Variants in WDR45 observed in about 807,000 individuals in gnomAD.
WDR45 encodes the protein WD repeat domain phosphoinositide-interacting protein 4.
In WDR45, 2 loss-of-function variants were observed where a neutral mutation model predicts 27.3. The observed-to-expected ratio is 0.07, with a 90% CI of 0.03 to 0.23. The LOEUF is 0.23. Among genes scored for constraint, WDR45 ranks in the 10% least tolerant of loss-of-function variants. WDR45 has a pLI of 1.00. For missense variants in WDR45, 175 were observed against 311.9 expected (o/e 0.56, Z 3.31); for synonymous variants, 99 against 119.2 (o/e 0.83, Z 1.11).
chrX:49,085,122 A>G lies in WDR45; in HGVS notation c.-17-7010T>C, dbSNP rs2065082243. Among the ~76,000 whole-genome samples, 4 of 111,873 alleles carry G rather than the reference A, an allele frequency of 3.6e-5. No individual in the cohort carries two copies. In the Admixed American group the frequency reaches 3.8e-4, roughly 11 times the overall value. On this transcript the variant is annotated intron_variant, in intron 2 of 11. Coordinates refer to the WDR45 transcript ENST00000356463. ...CTAAGTTGAGGTGGTCCAGAGAGAC[A>G]AGGGCAGCTGGAGTTAAAAGGACAG...
rs55719739 is a variant in WDR45, at chrX:49,077,446, A to C, written c.235+197T>G. 0.025 allele frequency: 11,624 copies of C among 472,831 alleles called. 998 individuals are homozygous for C. The African/African-American group carries it at 0.25, about 10-fold the overall frequency. The allele number at this position is 472,831 out of a possible 1,213,427, so 39.0% of individuals were successfully genotyped here. ...CTCTAGGGCATGGCACACAGGAGGC[A>C]CTCAATCAGAATTTTTAAAATGAAA... is the stretch of plus-strand genomic sequence containing the variant. On this transcript the variant is annotated intron_variant, in intron 4 of 10. Coordinates refer to ENST00000376372, the MANE Select transcript of WDR45 (RefSeq NM_001029896.2).
At position 49,075,891 on chromosome X, in the gene WDR45, T is replaced by G; in HGVS notation, c.491A>C (p.His164Pro). Reference protein sequence around the residue: ...LEKQLLVFPGHKCGSLQLVDL... With the variant: ...LEKQLLVFPGPKCGSLQLVDL... ...CACAAGTTGCAGACTCCCACACTTG[T>G]GTCCCGGGAACACTAGCAGTTGCTT... Residue 164 changes from histidine (H) to proline (P), a missense_variant, in exon 7 of 11, where the codon CAC becomes CCC. By Grantham distance (77) the His-to-Pro change is moderately conservative. Transcript: ENST00000376372. 8.3e-7 allele frequency: 1 copy of G among 1,210,278 alleles called. No homozygotes were observed. Among genetic ancestry groups the G allele is most frequent in the Non-Finnish European group, 1.1e-6 (1 of 895,069 alleles).
At chrX:49,085,903 A>C (rs2065084728) in intron 2 of WDR45, among the ~76,000 whole-genome samples, 1 of 112,368 alleles carries the variant, frequency 8.9e-6, no homozygotes, top group Non-Finnish European at 1.9e-5. Flanking sequence ...ATGACCTAGT[A>C]ATCTGTGGAA....
intron 2 of WDR45, among the ~76,000 whole-genome samples, chrX:49,090,596 G>A (rs2065101007): frequency 9.0e-6 from 1 of 110,990 alleles, no homozygotes; most frequent in African/African-American, 3.3e-5. Flanking sequence ...CTGGAGCAAT[G>A]GCACGATCTC....
chrX:49,091,760 A>G, intron 2 of WDR45, among the ~76,000 whole-genome samples: 1 of 98,254 alleles, frequency 1.0e-5, no homozygotes, highest in East Asian at 3.2e-4. Context: ...CGTCTCAAAA[A>G]AAAAAAAAAA....
chrX:49,080,293 G>A (rs1245668894), upstream of WDR45: 1 of 112,119 alleles, frequency 8.9e-6, no homozygotes, highest in Admixed American at 9.4e-5. Flanking sequence ...CAGAGGGGCG[G>A]CGCTGGGGGT....
Position 49,075,920 on chromosome X carries a change from C to T in WDR45, c.462G>A (p.Leu154=). The part of the protein sequence containing the change: ...PKGLCDLCPS[L]EKQLLVFPGH... ...CCGGGAACACTAGCAGTTGCTTCTC[C>T]AGGCTGGGGCAGAGGTCACAGAGCC... The change falls in exon 7 of 11, where the codon CTG becomes CTA. Residue 154 remains leucine (L), a synonymous_variant. Coordinates refer to ENST00000376372, the MANE Select transcript of WDR45 (RefSeq NM_001029896.2). The T allele has an allele frequency of 8.3e-7, 1 of 1,210,149 alleles. No individual in the cohort carries two copies. Among genetic ancestry groups the T allele is most frequent in the Non-Finnish European group, 1.1e-6 (1 of 894,911 alleles).
In WDR45 at chrX:49,099,796, A is replaced by AC. The variant is rs1351040365; in HGVS notation, c.-18+408_-18+409insG. On this transcript the variant is annotated intron_variant, in intron 2 of 11. Coordinates refer to the WDR45 transcript ENST00000356463. ...ACTATGTCTCAAAAAAAAAAAAACA[A>AC]AAAAAAACAAAAAAAAACACACAGT... 1.0e-4 allele frequency among the ~76,000 whole-genome samples: 10 copies of AC among 95,809 alleles called. 2 individuals are homozygous for AC. Among genetic ancestry groups the AC allele is most frequent in the African/African-American group, 4.0e-4 (9 of 22,591 alleles). 83.2% of individuals were successfully genotyped at this position (95,809 alleles called of 115,157 possible). A position where few individuals can be genotyped will look rare whatever the true frequency, so the allele number is the denominator to read the frequency against.
intron 2 of WDR45, among the ~76,000 whole-genome samples, chrX:49,091,520 C>T (rs1168090012): frequency 5.8e-5 from 6 of 103,777 alleles, no homozygotes; most frequent in African/African-American, 2.1e-4. Flanking sequence ...GAGGCCGAGG[C>T]GGGTGGATCA....
At chrX:49,080,191 G>A (rs1310379501), upstream of WDR45, 1 of 112,464 alleles carries the variant, frequency 8.9e-6, no homozygotes. Context: ...CCCACAATGG[G>A]GGAGTAAACC....
intron 2 of WDR45, among the ~76,000 whole-genome samples, chrX:49,085,026 A>G (rs2065082094): frequency 8.9e-6 from 1 of 112,259 alleles, no homozygotes. Context: ...CAACTGTCCC[A>G]GCACACTGCC....
rs1822761509 is a variant in WDR45, at chrX:49,079,760, G to C, written c.-27C>G. On this transcript the variant is annotated 5_prime_UTR_variant, in exon 1 of 11. Transcript: ENST00000376372. ...CCCAGACCCAACCAACCCTGGGATC[G>C]TGCTCCAGCTTCCTGCCGCCTTCAC... 1 of 112,747 alleles carries C rather than the reference G, an allele frequency of 8.9e-6. No individual in the cohort carries two copies. The highest frequency in any genetic ancestry group is 1.9e-5 in the Non-Finnish European group (1 of 53,352). 9.3% of individuals were successfully genotyped at this position (112,747 alleles called of 1,213,427 possible).
rs782437413 is a variant in WDR45 at position 49,078,090 on chromosome X, A to G, written c.6T>C (p.Thr2=). The part of the protein sequence containing the change: M[T]QQPLRGVTSL... ...TGGTCACTCCTCGAAGTGGCTGTTG[A>G]GTCATGGTGCAGGATTGTTCCTCTG... is the stretch of plus-strand genomic sequence containing the variant. The change falls in exon 2 of 11, where the codon ACT becomes ACC. Residue 2 remains threonine, a synonymous_variant. Transcript: ENST00000376372. 8.3e-7 allele frequency: 1 copy of G among 1,211,645 alleles called. No individual in the cohort carries two copies. Among genetic ancestry groups the G allele is most frequent in the Non-Finnish European group, 1.1e-6 (1 of 895,330 alleles).
chrX:49,093,426 C>A (rs191774774), intron 2 of WDR45, among the ~76,000 whole-genome samples: 1 of 110,824 alleles, frequency 9.0e-6, no homozygotes, highest in East Asian at 2.8e-4. Flanking sequence ...CCGCTGAGCC[C>A]GGCCAGCCCA....
intron 2 of WDR45, among the ~76,000 whole-genome samples, chrX:49,097,669 T>A (rs1200710424): frequency 2.8e-5 from 3 of 106,219 alleles, no homozygotes; most frequent in Non-Finnish European, 5.8e-5. Context: ...ATTATTTTTT[T>A]TTTTGAGATG....
intron 2 of WDR45, among the ~76,000 whole-genome samples, chrX:49,088,276 G>A (rs781891984): frequency 3.6e-5 from 4 of 111,426 alleles, no homozygotes; most frequent in African/African-American, 9.8e-5. Flanking sequence ...GCGTGGTGGC[G>A]TGTGCCTGTA....
intron 2 of WDR45, among the ~76,000 whole-genome samples, chrX:49,092,571 C>T (rs2065111300): frequency 9.0e-6 from 1 of 111,564 alleles, no homozygotes; most frequent in Admixed American, 9.7e-5. Flanking sequence ...GTTTGTTAGA[C>T]TCTGCACACC....
chrX:49,083,247 C>T (rs1458477426), upstream of WDR45, among the ~76,000 whole-genome samples: 2 of 106,303 alleles, frequency 1.9e-5, 1 homozygote, highest in Middle Eastern at 9.0e-3. Context: ...CTCCTGACCT[C>T]GTGATCCACC....
rs782485581 is a variant in WDR45 at position 49,076,596 on chromosome X, C to G, written c.341+49G>C. On this transcript the variant is annotated intron_variant, in intron 5 of 10. Coordinates refer to ENST00000376372, the MANE Select transcript of WDR45 (RefSeq NM_001029896.2). ...TGCCCAGGGAGGACTATCCCTCTCA[C>G]TTACTGTGGGGACCTCCTACCTCCC... The G allele has an allele frequency of 6.6e-6, 8 of 1,203,163 alleles. No individual in the cohort carries two copies. In the Admixed American group the frequency reaches 1.7e-4, roughly 26 times the overall value.
Sources: allele counts gnomAD v4.1 joint callset (sites outside exome capture counted in the v4.1 genomes callset), GRCh38; gene constraint gnomAD v4.1.1; transcripts MANE v1.5; gene names NCBI Gene and HGNC (gene_info 2026-07-23, HGNC 2026-07-21).